Variants in DNAH11 observed in about 807,000 individuals in gnomAD.
DNAH11 encodes axonemal beta dynein heavy chain 11.
A neutral mutation model predicts 526.0 loss-of-function variants in DNAH11; 442 were observed. The ratio of observed to expected loss-of-function variants is 0.84; its 90% CI spans 0.78 to 0.91. The LOEUF (loss-of-function observed/expected upper bound fraction) is 0.91, where lower values mean the gene tolerates loss of function less well. Ranked by LOEUF, DNAH11 falls within the 40% of genes least tolerant of loss-of-function variation. The pLI, the probability that DNAH11 is intolerant of heterozygous loss-of-function variation, is 0.00. For synonymous variants in DNAH11, 2,461 were observed against 1,935.9 expected, an observed-to-expected ratio of 1.27 and a Z score of -7.12; for missense variants, 6,989 against 5,448.7, an observed-to-expected ratio of 1.28 and a Z score of -8.90.
rs775720394 is a variant in DNAH11 at position 21,899,355 on chromosome 7, C to T, written c.13069C>T (p.Arg4357Ter). Residue 4357 changes from arginine to a stop codon, truncating the protein, a stop_gained, in exon 80 of 82, where the codon CGA becomes TGA. Coordinates refer to ENST00000409508, the MANE Select transcript of DNAH11 (RefSeq NM_001277115.2). LOFTEE classifies it high-confidence loss of function. ...AACCAGGTTCAATGACCTCCTCCTG[C>T]GATGCCGAGAACTCGATACTTGGAC... ...LAQWFNDLLL[R>*]CRELDTWTQD... is the part of the protein sequence containing the mutation. The T allele has an allele frequency of 8.1e-6, 13 of 1,613,882 alleles. No individual in the cohort carries two copies. Among genetic ancestry groups the T allele is most frequent in the African/African-American group, 2.7e-5 (2 of 74,928 alleles).
Position 21,880,638 on chromosome 7 carries a change from G to A in DNAH11, c.12196-64G>A, listed in dbSNP as rs550037056. On this transcript the variant is annotated intron_variant, in intron 74 of 81. Transcript: ENST00000409508. ...AGTTCTTTACAAGATTATTGAAAAC[G>A]CAGACCCTTGCTCTTGGAAACCATA... is the stretch of plus-strand genomic sequence containing the variant. The A allele has an allele frequency of 1.8e-4, 278 of 1,564,518 alleles. 1 individual carries two copies. In the African/African-American group the frequency reaches 3.4e-3, roughly 19 times the overall value.
In DNAH11 at chr7:21,749,728, T is replaced by C; in HGVS notation, c.8724T>C (p.Thr2908=). 6.2e-7 allele frequency: 1 copy of C among 1,614,034 alleles called. No homozygotes were observed. Among genetic ancestry groups the C allele is most frequent in the Non-Finnish European group, 8.5e-7 (1 of 1,179,886 alleles). ...YIRTGAKNMP[T]VFLLTDAQVL... is the part of the protein sequence containing the mutation. Reference sequence around the variant, plus strand: ...GAACTGGAGCCAAGAACATGCCCACTGTGTTCCTGCTGACAGATGCCCAGG... The same window carrying C: ...GAACTGGAGCCAAGAACATGCCCACCGTGTTCCTGCTGACAGATGCCCAGG... The change falls in exon 53 of 82, where the codon ACT becomes ACC. Residue 2908 remains threonine, a synonymous_variant. Coordinates refer to ENST00000409508, the MANE Select transcript of DNAH11 (RefSeq NM_001277115.2).
intron 32 of DNAH11, among the ~76,000 whole-genome samples, chr7:21,684,749 C>T (rs1241152687): frequency 5.9e-5 from 9 of 152,192 alleles, no homozygotes; most frequent in East Asian, 5.8e-4. Flanking sequence ...ATTAATAGTT[C>T]GTTTCCACTT....
intron 76 of DNAH11, among the ~76,000 whole-genome samples, chr7:21,890,309 G>C (rs181895591): frequency 6.6e-6 from 1 of 152,290 alleles, no homozygotes; most frequent in East Asian, 1.9e-4. Context: ...CCATATGGAA[G>C]GCACTTGTCA....
intron 28 of DNAH11, among the ~76,000 whole-genome samples, chr7:21,643,748 C>T (rs1366042845): frequency 6.6e-6 from 1 of 152,064 alleles, no homozygotes; most frequent in Non-Finnish European, 1.5e-5. Context: ...GATGAAAAAT[C>T]CAAATTGAGC....
intron 30 of DNAH11, among the ~76,000 whole-genome samples, chr7:21,677,257 G>A (rs935433291): frequency 7.0e-6 from 1 of 142,698 alleles, no homozygotes; most frequent in African/African-American, 2.6e-5. Context: ...CCCTATCTAT[G>A]CTGGGCATTG....
intron 61 of DNAH11, among the ~76,000 whole-genome samples, chr7:21,791,867 T>C (rs1224741772): frequency 6.6e-6 from 1 of 152,214 alleles, no homozygotes; most frequent in Admixed American, 6.5e-5. Context: ...TGTTAGTCTG[T>C]TCTCACATTG....
chr7:21,570,052 C>T lies in DNAH11; in HGVS notation c.1195-17C>T, dbSNP rs1783824462. 6 of 1,552,194 alleles carry T rather than the reference C, an allele frequency of 3.9e-6. No individual in the cohort carries two copies. Among genetic ancestry groups the T allele is most frequent in the South Asian group, 2.4e-5 (2 of 82,180 alleles). On this transcript the variant is annotated splice_polypyrimidine_tract_variant and intron_variant, in intron 6 of 81. Transcript: ENST00000409508. ...TAAACATAGTTTTGATCATTGTTCC[C>T]TTTCATTAAATCCTAGGCAACAGCT... is the stretch of plus-strand genomic sequence containing the variant.
intron 2 of DNAH11, among the ~76,000 whole-genome samples, chr7:21,546,439 A>G (rs1035768318): frequency 1.3e-5 from 2 of 152,220 alleles, no homozygotes; most frequent in Non-Finnish European, 2.9e-5. Flanking sequence ...CTTTGGTTCA[A>G]TATGAGAATC....
At chr7:21,801,034 A>C in intron 61 of DNAH11, 103 bp from the exon 62 acceptor site, 2 of 1,199,836 alleles carry the variant, frequency 1.7e-6, no homozygotes, top group African/African-American at 1.5e-5. Flanking sequence ...AATGGGGGGA[A>C]GAGGTTTGTC....
chr7:21,695,748 A>G (rs141930995), intron 35 of DNAH11, among the ~76,000 whole-genome samples: 363 of 152,366 alleles, frequency 2.4e-3, no homozygotes, highest in Non-Finnish European at 3.9e-3. Flanking sequence ...AATGGGATCT[A>G]ATTAAACTAA....
rs565508394 is a variant in DNAH11, at chr7:21,892,349, T to C, written c.12508-76T>C. ...GTGCTGGAGCCTTCTTGTCAGGGTCTTCTCGAAGTGTTGAGGAAGTGAAAA... is the reference window on the plus strand; with the variant it reads ...GTGCTGGAGCCTTCTTGTCAGGGTCCTCTCGAAGTGTTGAGGAAGTGAAAA... On this transcript the variant is annotated intron_variant, in intron 76 of 81. Transcript: ENST00000409508. The C allele has an allele frequency of 3.2e-6, 5 of 1,538,622 alleles. No individual in the cohort carries two copies. The East Asian group carries it at 1.1e-4, about 35-fold the overall frequency.
intron 30 of DNAH11, among the ~76,000 whole-genome samples, chr7:21,660,994 G>A (rs1438844094): frequency 6.6e-6 from 1 of 151,744 alleles, no homozygotes; most frequent in East Asian, 1.9e-4. Flanking sequence ...GTTTACTCTG[G>A]TTGTCTAACT....
chr7:21,712,376 C>T (rs1287858183), intron 42 of DNAH11, among the ~76,000 whole-genome samples: 1 of 152,190 alleles, frequency 6.6e-6, no homozygotes, highest in Non-Finnish European at 1.5e-5. Context: ...CCCTGCTTTC[C>T]ATTCTTTCGG....
intron 54 of DNAH11, among the ~76,000 whole-genome samples, chr7:21,764,643 G>A (rs958017615): frequency 2.0e-5 from 3 of 152,170 alleles, no homozygotes; most frequent in Non-Finnish European, 2.9e-5. Flanking sequence ...GAAGCACACA[G>A]GAGCTGACCA....
chr7:21,543,203 G>C lies in DNAH11; in HGVS notation c.-43G>C. 6.8e-7 allele frequency: 1 copy of C among 1,479,436 alleles called. No individual in the cohort carries two copies. Among genetic ancestry groups the C allele is most frequent in the Non-Finnish European group, 8.9e-7 (1 of 1,119,848 alleles). 91.6% of individuals were successfully genotyped at this position (1,479,436 alleles called of 1,614,324 possible). On this transcript the variant is annotated 5_prime_UTR_variant, in exon 1 of 82. Transcript: ENST00000409508. ...CACTTCGGGGGGCCCAGAGTCTCGGGTGAGGAGCCAGCCGGCCTCGCGTTC... is the reference window on the plus strand; with the variant it reads ...CACTTCGGGGGGCCCAGAGTCTCGGCTGAGGAGCCAGCCGGCCTCGCGTTC...
intron 65 of DNAH11, among the ~76,000 whole-genome samples, chr7:21,832,545 G>C (rs1273580964): frequency 4.6e-5 from 7 of 152,108 alleles, no homozygotes; most frequent in African/African-American, 1.7e-4. Context: ...GATGGATCTT[G>C]ACTCTTTATC....
Position 21,742,101 on chromosome 7 carries a change from T to C in DNAH11, c.8089T>C (p.Phe2697Leu), listed in dbSNP as rs770095517. 2 of 1,613,820 alleles carry C rather than the reference T, an allele frequency of 1.2e-6. No individual in the cohort carries two copies. Among genetic ancestry groups the C allele is most frequent in the African/African-American group, 2.7e-5 (2 of 74,926 alleles). ...ATTCCATCAGACAATGATGTGTAAC[T>C]TTTTACCCACGGCTATTAAATTCCA... ...IAFHQTMMCN[F>L]LPTAIKFHYI... Residue 2697 changes from phenylalanine to leucine, a missense_variant, in exon 49 of 82, where the codon TTT becomes CTT. Phe to Leu is a conservative substitution (Grantham distance 22, BLOSUM62 0). Transcript: ENST00000409508.
intron 20 of DNAH11, among the ~76,000 whole-genome samples, chr7:21,613,863 A>T (rs1562701362): frequency 6.6e-6 from 1 of 151,872 alleles, no homozygotes; most frequent in Non-Finnish European, 1.5e-5. Flanking sequence ...CCCTGATCTT[A>T]CTTAGGTCAT....
Sources: allele counts gnomAD v4.1 joint callset (sites outside exome capture counted in the v4.1 genomes callset), GRCh38; gene constraint gnomAD v4.1.1; transcripts MANE v1.5; gene names NCBI Gene and HGNC (gene_info 2026-07-23, HGNC 2026-07-21).